Variants in UPF3A observed in about 807,000 individuals in gnomAD.
UPF3A encodes UPF3A regulator of nonsense mediated mRNA decay, also known as regulator of nonsense transcripts 3A.
UPF3A carries 42 observed loss-of-function variants against 53.5 expected under a neutral mutation model. The observed-to-expected ratio is 0.78, with a 90% CI of 0.61 to 1.01. UPF3A has a LOEUF of 1.01. Among genes scored for constraint, UPF3A ranks in the 50% least tolerant of loss-of-function variants. The pLI is 0.00. For missense variants in UPF3A, 575 were observed against 598.0 expected (o/e 0.96, Z 0.40); for synonymous variants, 237 against 225.3 (o/e 1.05, Z -0.47).
intron 3 of UPF3A, chr13:114,283,336 T>A (rs924603111): frequency 6.5e-6 from 1 of 153,874 alleles, no homozygotes; most frequent in African/African-American, 2.4e-5. Flanking sequence ...TGCATTTTAA[T>A]TAAAAAGTTC....
rs142395809 is a variant in UPF3A, at chr13:114,301,419, C to T, written c.1008-312C>T. Among the ~76,000 whole-genome samples the T allele has an allele frequency of 2.3e-3, 348 of 151,032 alleles. 1 individual carries two copies. Among genetic ancestry groups the T allele is most frequent in the African/African-American group, 8.1e-3 (331 of 41,024 alleles). ...CGGAGCTTTCAGTGAGCTGAGATCCCGCCATTTTACTCCAGCCTGGGCAAC... is the reference window on the plus strand; with the variant it reads ...CGGAGCTTTCAGTGAGCTGAGATCCTGCCATTTTACTCCAGCCTGGGCAAC... On this transcript the variant is annotated intron_variant, in intron 8 of 9. Transcript: ENST00000375299.
intron 5 of UPF3A, among the ~76,000 whole-genome samples, chr13:114,289,933 C>T (rs556485229): frequency 2.0e-5 from 3 of 152,302 alleles, no homozygotes; most frequent in African/African-American, 7.2e-5. Flanking sequence ...TGGGGTCAGC[C>T]TCCCCACACA....
intron 7 of UPF3A, among the ~76,000 whole-genome samples, chr13:114,295,135 A>G (rs965401633): frequency 1.3e-5 from 2 of 151,306 alleles, no homozygotes; most frequent in African/African-American, 4.9e-5. Flanking sequence ...AAAAGAAAAG[A>G]AATACGGCAC....
In UPF3A at chr13:114,291,688, C is replaced by A. The variant is rs774953253; in HGVS notation, c.742C>A (p.Arg248Ser). Residue 248 changes from arginine to serine, a missense_variant, in exon 7 of 10, where the codon CGT (arginine) becomes AGT (serine). Coordinates refer to ENST00000375299, the MANE Select transcript of UPF3A (RefSeq NM_023011.4). ...ERRRRELEKK[R>S]LREEEKRRRR... ...GAGGAGGAGAGAGTTAGAAAAGAAA[C>A]GTTTGCGGGAAGAGGAAAAAAGAAG... The A allele has an allele frequency of 1.4e-5, 22 of 1,603,594 alleles. No homozygotes were observed. Among genetic ancestry groups the A allele is most frequent in the Non-Finnish European group, 1.8e-5 (21 of 1,175,108 alleles).
In UPF3A at chr13:114,305,685, CTT is replaced by C. The variant is rs1201846024; in HGVS notation, c.*769_*770del. 6.6e-6 allele frequency: 1 copy of C among 152,198 alleles called. No homozygotes were observed. Among genetic ancestry groups the C allele is most frequent in the African/African-American group, 2.4e-5 (1 of 41,438 alleles). The allele number at this position is 152,198 out of a possible 1,614,324, so 9.4% of individuals were successfully genotyped here. Reference sequence around the variant, plus strand: ...TTTTAGATACTTTATTTGTAAATAACTTAAAATAGCTTTCTGAAACCGTGCAT... The same window carrying C: ...TTTTAGATACTTTATTTGTAAATAACAAAATAGCTTTCTGAAACCGTGCAT... On this transcript the variant is annotated 3_prime_UTR_variant, in exon 10 of 10. Transcript: ENST00000375299.
chr13:114,300,164 A>G (rs2086465727), intron 8 of UPF3A, among the ~76,000 whole-genome samples: 1 of 152,172 alleles, frequency 6.6e-6, no homozygotes, highest in African/African-American at 2.4e-5. Flanking sequence ...CAAATGAGCG[A>G]AGCAGCCATT....
intron 7 of UPF3A, among the ~76,000 whole-genome samples, chr13:114,294,552 A>G (rs1370337924): frequency 6.6e-6 from 1 of 152,244 alleles, no homozygotes; most frequent in Non-Finnish European, 1.5e-5. Flanking sequence ...CGTAGCACTC[A>G]TGGCTATTCT....
At chr13:114,286,495 T>G (rs925832068) in intron 4 of UPF3A, 24 bp from the exon 5 acceptor site, 5 of 1,609,826 alleles carry the variant, frequency 3.1e-6, no homozygotes, top group African/African-American at 1.3e-5. Flanking sequence ...TATATTTATT[T>G]TCTTCCTACT....
At chr13:114,282,507 G>T in intron 2 of UPF3A, 1 of 985,438 alleles carries the variant, frequency 1.0e-6, no homozygotes, top group Non-Finnish European at 1.2e-6. Flanking sequence ...CAGCCAGTGC[G>T]GTTTTAAATA....
At chr13:114,282,344 A>G in intron 2 of UPF3A, 6 of 1,024,988 alleles carry the variant, frequency 5.9e-6, no homozygotes, top group Non-Finnish European at 6.6e-6. Context: ...AATGCGGATG[A>G]TTTTCAGACG....
At chr13:114,291,270 G>A (rs2085244721) in intron 5 of UPF3A, among the ~76,000 whole-genome samples, 1 of 152,108 alleles carries the variant, frequency 6.6e-6, no homozygotes, top group African/African-American at 2.4e-5. Context: ...CCTCCCTTAA[G>A]AATCAGGAAT....
At chr13:114,290,415 TC>T (rs60683763) in intron 5 of UPF3A, among the ~76,000 whole-genome samples, 3,542 of 152,274 alleles carry the variant, frequency 0.023, 141 homozygotes, top group African/African-American at 0.081. Flanking sequence ...TTCAGGTACA[TC>T]CAGGGATTCT....
intron 2 of UPF3A, chr13:114,282,388 G>A: frequency 8.2e-7 from 1 of 1,221,578 alleles, no homozygotes; most frequent in Non-Finnish European, 1.0e-6. Context: ...CCTTTGAAAG[G>A]ACCAGCGTTG....
rs1046559323 is a variant in UPF3A at position 114,302,469 on chromosome 13, AAAC to A, written c.1302+448_1302+450del. On this transcript the variant is annotated intron_variant, in intron 9 of 9. Coordinates refer to ENST00000375299, the MANE Select transcript of UPF3A (RefSeq NM_023011.4). ...ACTGTGGTTACCCCCTTAGCCAAGC[AAAC>A]AACTTTTTTTTTTCAGGAGCTAATT... Among the ~76,000 whole-genome samples, 290 of 151,712 alleles carry A rather than the reference AAAC, an allele frequency of 1.9e-3. 2 individuals are homozygous for A. The highest frequency in any genetic ancestry group is 6.9e-3 in the African/African-American group (281 of 41,016).
intron 2 of UPF3A, 81 bp downstream of exon 2, chr13:114,282,208 T>C (rs1268618619): frequency 1.7e-6 from 2 of 1,201,962 alleles, no homozygotes; most frequent in Non-Finnish European, 2.3e-6. Context: ...CTTACGTTCC[T>C]TACCCTGATT....
At position 114,281,604 on chromosome 13, in the gene UPF3A, G is replaced by A. The variant is rs1394020269; in HGVS notation, c.-36G>A. ...GGCCGAGCTCTCGCGAGGTTTCGTC[G>A]GGGGCTGGCGGCTGCGGCTCGGCGG... On this transcript the variant is annotated 5_prime_UTR_variant, in exon 1 of 10. Coordinates refer to ENST00000375299, the MANE Select transcript of UPF3A (RefSeq NM_023011.4). The A allele has an allele frequency of 1.4e-6, 2 of 1,388,776 alleles. No homozygotes were observed. The highest frequency in any genetic ancestry group is 1.6e-5 in the South Asian group (1 of 64,106). The allele number at this position is 1,388,776 out of a possible 1,614,324, so 86.0% of individuals were successfully genotyped here.
At chr13:114,298,733 G>A (rs1450288820) in intron 7 of UPF3A, 107 bp from the exon 8 acceptor site, 3 of 1,137,314 alleles carry the variant, frequency 2.6e-6, no homozygotes, top group Non-Finnish European at 3.5e-6. Flanking sequence ...TCTTTGCTGT[G>A]CAAACATTTG....
At chr13:114,282,736 T>A (rs1223900022) in intron 2 of UPF3A, 101 bp from the exon 3 acceptor site, 2 of 1,512,104 alleles carry the variant, frequency 1.3e-6, no homozygotes, top group African/African-American at 1.4e-5. Context: ...ACAAAAGTTT[T>A]ATCTAAAGTA....
In UPF3A at chr13:114,281,749, C is replaced by CGCA; in HGVS notation, c.118_120dup (p.Gln40dup). 1 of 1,557,846 alleles carries CGCA rather than the reference C, an allele frequency of 6.4e-7. No individual in the cohort carries two copies. Among genetic ancestry groups the CGCA allele is most frequent in the Non-Finnish European group, 8.7e-7 (1 of 1,151,804 alleles). ...CTAGAAGTGCAGTTCCACCGCGACT[C>CGCA]GCAGCAGCAGGAGGCTGAGACGCCG... On this transcript the variant is annotated inframe_insertion, in exon 1 of 10. Coordinates refer to ENST00000375299, the MANE Select transcript of UPF3A (RefSeq NM_023011.4).
Sources: allele counts gnomAD v4.1 joint callset (sites outside exome capture counted in the v4.1 genomes callset), GRCh38; gene constraint gnomAD v4.1.1; transcripts MANE v1.5; gene names NCBI Gene and HGNC (gene_info 2026-07-23, HGNC 2026-07-21).